SLC24A2: variants seen among roughly 807,000 people sequenced by gnomAD.
SLC24A2 encodes the protein sodium/potassium/calcium exchanger 2.
In SLC24A2, 36 loss-of-function variants were observed where a neutral mutation model predicts 62.0. The observed-to-expected ratio is 0.58, with a 90% CI of 0.44 to 0.77. SLC24A2 has a LOEUF of 0.77. Ranked by LOEUF, SLC24A2 falls within the 30% of genes least tolerant of loss-of-function variation. The pLI is 0.00. For synonymous variants in SLC24A2, 358 were observed against 294.0 expected, an observed-to-expected ratio of 1.22 and a Z score of -2.23; for missense variants, 846 against 817.9, an observed-to-expected ratio of 1.03 and a Z score of -0.42.
At chr9:19,759,017 G>T (rs1822232581) in intron 2 of SLC24A2, among the ~76,000 whole-genome samples, 1 of 152,174 alleles carries the variant, frequency 6.6e-6, no homozygotes, top group Non-Finnish European at 1.5e-5. Flanking sequence ...CAATCAGTAT[G>T]CAGCCTATTG....
At chr9:20,136,965 G>T in the SLC24A2 span, among the ~76,000 whole-genome samples, 6 of 152,224 alleles carry the variant, frequency 3.9e-5, no homozygotes, top group East Asian at 9.6e-4. Context: ...AGCAAAAAGG[G>T]TGTGTTTACG....
At chr9:19,696,865 G>A (rs1037362995) in intron 2 of SLC24A2, among the ~76,000 whole-genome samples, 40 of 152,030 alleles carry the variant, frequency 2.6e-4, no homozygotes, top group African/African-American at 8.0e-4. Flanking sequence ...AAATTTAACC[G>A]TAATGGCATC....
chr9:20,108,265 T>A, the SLC24A2 span, among the ~76,000 whole-genome samples: 1 of 152,030 alleles, frequency 6.6e-6, no homozygotes, highest in African/African-American at 2.4e-5. Context: ...GTAAACTAGT[T>A]CAACCATTGT....
chr9:19,714,573 T>C (rs779296115), intron 2 of SLC24A2, among the ~76,000 whole-genome samples: 1 of 152,254 alleles, frequency 6.6e-6, no homozygotes, highest in Admixed American at 6.5e-5. Context: ...ACTTACCTTT[T>C]CCCTTCACTA....
At chr9:19,780,499 C>G (rs903430070) in intron 2 of SLC24A2, among the ~76,000 whole-genome samples, 2 of 151,694 alleles carry the variant, frequency 1.3e-5, no homozygotes, top group African/African-American at 4.8e-5. Context: ...AACTCCTGAC[C>G]TTGTGATGCA....
chr9:19,768,751 G>T (rs1473026780), intron 2 of SLC24A2, among the ~76,000 whole-genome samples: 2 of 152,138 alleles, frequency 1.3e-5, no homozygotes, highest in Non-Finnish European at 2.9e-5. Flanking sequence ...GGTTGACTGT[G>T]GTTGACCGTG....
At chr9:20,152,107 C>G in the SLC24A2 span, among the ~76,000 whole-genome samples, 1 of 151,844 alleles carries the variant, frequency 6.6e-6, no homozygotes, top group South Asian at 2.1e-4. Context: ...ATTGCTTTTC[C>G]ATCAACATTT....
At chr9:19,609,684 C>T (rs1233075158) in intron 4 of SLC24A2, among the ~76,000 whole-genome samples, 4 of 152,074 alleles carry the variant, frequency 2.6e-5, no homozygotes, top group African/African-American at 4.8e-5. Flanking sequence ...GTGGGGTCTT[C>T]ATTGCTTTCA....
intron 6 of SLC24A2, among the ~76,000 whole-genome samples, chr9:19,575,381 G>GTATTTTGA: frequency 6.6e-6 from 1 of 152,258 alleles, no homozygotes; most frequent in Non-Finnish European, 1.5e-5. Context: ...ATTGACCCTA[G>GTATTTTGA]CAACACAAAA....
the SLC24A2 span, among the ~76,000 whole-genome samples, chr9:20,279,962 C>G: frequency 8.5e-5 from 13 of 152,328 alleles, no homozygotes; most frequent in African/African-American, 2.4e-4. Flanking sequence ...ATTCAGCTTA[C>G]TGAATGGTCC....
the SLC24A2 span, among the ~76,000 whole-genome samples, chr9:20,178,801 C>G: frequency 5.3e-5 from 8 of 152,138 alleles, no homozygotes; most frequent in Admixed American, 1.3e-4. Flanking sequence ...TCAAGTACAA[C>G]TTGCTTCTCC....
At chr9:19,611,121 G>C (rs1326825727) in intron 4 of SLC24A2, among the ~76,000 whole-genome samples, 1 of 152,168 alleles carries the variant, frequency 6.6e-6, no homozygotes, top group African/African-American at 2.4e-5. Flanking sequence ...CAGGTGACAT[G>C]TGAAGGCTGA....
At chr9:20,004,761 T>C in the SLC24A2 span, among the ~76,000 whole-genome samples, 1 of 152,222 alleles carries the variant, frequency 6.6e-6, no homozygotes, top group Non-Finnish European at 1.5e-5. Flanking sequence ...CAAAACAAAG[T>C]AGGCACTGCT....
At chr9:19,551,135 C>G (rs1392207002) in intron 7 of SLC24A2, among the ~76,000 whole-genome samples, 1 of 152,176 alleles carries the variant, frequency 6.6e-6, no homozygotes, top group African/African-American at 2.4e-5. Context: ...CCTGTCACCC[C>G]CACACCCTTC....
At chr9:19,596,534 G>C (rs1836706611) in intron 5 of SLC24A2, among the ~76,000 whole-genome samples, 1 of 152,130 alleles carries the variant, frequency 6.6e-6, no homozygotes, top group Admixed American at 6.5e-5. Flanking sequence ...TTCTTCCTGG[G>C]ACAAGGCTAT....
the SLC24A2 span, among the ~76,000 whole-genome samples, chr9:20,136,052 A>G: frequency 6.6e-6 from 1 of 152,050 alleles, no homozygotes; most frequent in Admixed American, 6.6e-5. Flanking sequence ...TTTGCATTTG[A>G]GGGGTCTATT....
chr9:19,690,069 T>C (rs944262033), intron 2 of SLC24A2, among the ~76,000 whole-genome samples: 2 of 152,140 alleles, frequency 1.3e-5, no homozygotes, highest in Admixed American at 1.3e-4. Context: ...GCTCTACAGC[T>C]TGTAGATGCC....
intron 2 of SLC24A2, among the ~76,000 whole-genome samples, chr9:19,708,998 C>A (rs1055444181): frequency 1.3e-5 from 2 of 151,996 alleles, no homozygotes; most frequent in African/African-American, 4.8e-5. Flanking sequence ...ATTTTCGCAA[C>A]CTACTCATCT....
chr9:20,297,706 C>A, the SLC24A2 span, among the ~76,000 whole-genome samples: 1 of 152,142 alleles, frequency 6.6e-6, no homozygotes, highest in East Asian at 1.9e-4. Flanking sequence ...GATCCGTGGG[C>A]GCTTCCTTGA....
Sources: gnomAD v4.1 joint callset for allele counts (sites outside exome capture counted in the v4.1 genomes callset) on GRCh38, gnomAD v4.1.1 for gene constraint, MANE v1.5 for transcripts, NCBI Gene and HGNC (gene_info 2026-07-23, HGNC 2026-07-21) for gene names.